The following USP34 variants were observed in gnomAD, a reference collection of about 807,000 sequenced individuals.
The protein encoded by USP34 is ubiquitin carboxyl-terminal hydrolase 34.
USP34 carries 70 observed loss-of-function variants against 460.3 expected under a neutral mutation model. The ratio of observed to expected loss-of-function variants is 0.15; its 90% CI spans 0.13 to 0.19. USP34 has a LOEUF of 0.19. Among genes scored for constraint, USP34 ranks in the 10% least tolerant of loss-of-function variants. The probability of loss-of-function intolerance (pLI) is 1.00; values close to 1 mark genes in which losing one functional copy is unlikely to be tolerated. For missense variants in USP34, 3,985 were observed against 4,236.2 expected (o/e 0.94, Z 1.65); for synonymous variants, 1,647 against 1,405.3 (o/e 1.17, Z -3.85).
intron 10 of USP34, among the ~76,000 whole-genome samples, chr2:61,364,576 T>C (rs1692372640): frequency 1.3e-5 from 2 of 152,192 alleles, no homozygotes; most frequent in African/African-American, 4.8e-5. Context: ...ATGTTATACA[T>C]ATTTTACGAC....
Position 61,187,906 on chromosome 2 carries a change from T to C in USP34, c.*196A>G. 1 of 1,413,662 alleles carries C rather than the reference T, an allele frequency of 7.1e-7. No homozygotes were observed. The highest frequency in any genetic ancestry group is 1.4e-5 in the African/African-American group (1 of 69,236). 87.6% of individuals were successfully genotyped at this position (1,413,662 alleles called of 1,614,324 possible). On this transcript the variant is annotated 3_prime_UTR_variant, in exon 80 of 80. Transcript: ENST00000398571. The stretch of plus-strand genomic sequence containing the variant: ...ACATATCCATTATCTGATTGCCCTT[T>C]AGGAAGTATACTGAAGATGCAAGTT...
chr2:61,310,079 G>A (rs2694617), intron 27 of USP34, among the ~76,000 whole-genome samples: 55,293 of 152,022 alleles, frequency 0.36, 10,050 homozygotes, highest in African/African-American at 0.38. Context: ...TTAAGGAGAA[G>A]TGGAAATGAT....
intron 27 of USP34, among the ~76,000 whole-genome samples, chr2:61,305,135 C>T (rs929308414): frequency 3.9e-5 from 6 of 152,028 alleles, no homozygotes; most frequent in South Asian, 2.1e-4. Context: ...ACCAGCCTGG[C>T]CAATATGATG....
chr2:61,334,956 T>C (rs1201146015), intron 18 of USP34, among the ~76,000 whole-genome samples: 1 of 152,176 alleles, frequency 6.6e-6, no homozygotes, highest in African/African-American at 2.4e-5. Flanking sequence ...TTTTCTCCCA[T>C]TTAAAAGAAT....
intron 58 of USP34, among the ~76,000 whole-genome samples, chr2:61,230,265 C>T (rs1572853659): frequency 6.6e-6 from 1 of 152,044 alleles, no homozygotes; most frequent in Non-Finnish European, 1.5e-5. Context: ...TGCAGTGGCT[C>T]AAGCCTATAA....
At chr2:61,358,866 A>C (rs1584300) in intron 10 of USP34, among the ~76,000 whole-genome samples, 22,274 of 152,258 alleles carry the variant, frequency 0.15, 2,152 homozygotes, top group South Asian at 0.35. Flanking sequence ...CACAATTTTC[A>C]AAAGCATGTA....
intron 10 of USP34, among the ~76,000 whole-genome samples, chr2:61,353,399 T>G (rs1692009112): frequency 1.3e-5 from 2 of 151,272 alleles, no homozygotes; most frequent in South Asian, 2.1e-4. Flanking sequence ...CGAATGTTTT[T>G]TTTTTTTTTT....
At chr2:61,420,069 ACATT>A (rs1272590309) in intron 2 of USP34, among the ~76,000 whole-genome samples, 2 of 152,236 alleles carry the variant, frequency 1.3e-5, no homozygotes, top group Non-Finnish European at 2.9e-5. Context: ...ATACCTCAGA[ACATT>A]CATTTATGTA....
intron 7 of USP34, among the ~76,000 whole-genome samples, chr2:61,379,737 T>C (rs1440338697): frequency 6.6e-6 from 1 of 152,244 alleles, no homozygotes; most frequent in Admixed American, 6.5e-5. Context: ...TCATGTTACT[T>C]TGTCCTATTT....
chr2:61,320,292 A>G (rs1690876820), intron 21 of USP34, among the ~76,000 whole-genome samples: 1 of 152,178 alleles, frequency 6.6e-6, no homozygotes, highest in Non-Finnish European at 1.5e-5. Flanking sequence ...GGCAGTAACT[A>G]ACCTTGACCA....
rs780995035 is a variant in USP34 at position 61,347,959 on chromosome 2, C to G, written c.2196G>C (p.Glu732Asp). 20 of 1,613,934 alleles carry G rather than the reference C, an allele frequency of 1.2e-5. No homozygotes were observed. The highest frequency in any genetic ancestry group is 1.7e-5 in the Admixed American group (1 of 59,988). ...AATTAAATAATTCATTCCCAATAGT[C>G]TCCCCAAGGAAGTCCCCAGTTCGTG... ...CITRTGDFLG[E>D]TIGNELFNCR... is the part of the protein sequence containing the mutation. The change falls in exon 15 of 80, where the codon GAG becomes GAC. Residue 732 changes from glutamate to aspartate, a missense_variant. Physicochemically the swap from Glu to Asp is conservative, Grantham distance 45. Around this residue, in one of 14 missense-constraint regions of USP34, gnomAD observed 716 missense variants for 626.2 expected, o/e 1.14. Coordinates refer to ENST00000398571, the MANE Select transcript of USP34 (RefSeq NM_014709.4).
intron 27 of USP34, among the ~76,000 whole-genome samples, chr2:61,304,089 G>T (rs1273118473): frequency 6.6e-6 from 1 of 152,012 alleles, no homozygotes; most frequent in African/African-American, 2.4e-5. Context: ...GTAGAGACAG[G>T]GTTTCGTCAT....
rs1686502208 is a variant in USP34, at chr2:61,188,235, C to A, written c.10508G>T (p.Ser3503Ile). Residue 3503 changes from serine to isoleucine, a missense_variant, in exon 80 of 80, where the codon AGT (serine) becomes ATT (isoleucine). By Grantham distance (142) the Ser-to-Ile change is moderately radical. Transcript: ENST00000398571. ...AAAGAGTCCTCTGGAATGGCCACAA[C>A]TGAGAGATAAAGCAACCTCAGGGTC... is the stretch of plus-strand genomic sequence containing the variant. ...SQDPEVALSL[S>I]CGHSRGLFSH... 1 of 1,614,026 alleles carries A rather than the reference C, an allele frequency of 6.2e-7. No individual in the cohort carries two copies. The highest frequency in any genetic ancestry group is 1.3e-5 in the African/African-American group (1 of 74,898).
At chr2:61,399,874 C>CAAAAAAAAAAAAAAAAAAAAAAA (rs529141667) in intron 3 of USP34, among the ~76,000 whole-genome samples, 5 of 69,980 alleles carry the variant, frequency 7.1e-5, no homozygotes, top group Non-Finnish European at 1.3e-4. Flanking sequence ...CACTGTCTCC[C>CAAAAAAAAAAAAAAAAAAAAAAA]AAAAAAAAAA....
In USP34 at chr2:61,265,575, A is replaced by T; in HGVS notation, c.5618-18T>A. 1 of 1,579,114 alleles carries T rather than the reference A, an allele frequency of 6.3e-7. No individual in the cohort carries two copies. Among genetic ancestry groups the T allele is most frequent in the Non-Finnish European group, 8.6e-7 (1 of 1,160,030 alleles). On this transcript the variant is annotated intron_variant, in intron 42 of 79. Coordinates refer to ENST00000398571, the MANE Select transcript of USP34 (RefSeq NM_014709.4). ...TGCATGGGCTGCTGAAGAAAGAGGG[A>T]GGAAAAGATCCCCCCCAAACAAACT...
rs1024253718 is a variant in USP34, at chr2:61,301,089, G to A, written c.3990C>T (p.Cys1330=). Residue 1330 remains cysteine (C), a synonymous_variant, in exon 29 of 80, where the codon TGC becomes TGT. Transcript: ENST00000398571. The part of the protein sequence containing the change: ...KGEGVQLPAS[C]LPPPQKDNIP... ...TGTTGTCCTTCTGAGGGGGTGGGAG[G>A]CAAGATGCTGGCAGCTGAACACCTT... 1 of 1,614,002 alleles carries A rather than the reference G, an allele frequency of 6.2e-7. No homozygotes were observed. Among genetic ancestry groups the A allele is most frequent in the East Asian group, 2.2e-5 (1 of 44,872 alleles).
At chr2:61,297,306 T>C (rs902842691) in intron 29 of USP34, among the ~76,000 whole-genome samples, 11 of 152,240 alleles carry the variant, frequency 7.2e-5, no homozygotes, top group Admixed American at 1.3e-4. Context: ...GTGAATTAAA[T>C]CCTTGAACTT....
intron 71 of USP34, 100 bp from the exon 72 acceptor site, chr2:61,206,224 G>T: frequency 1.0e-6 from 1 of 975,566 alleles, no homozygotes; most frequent in Non-Finnish European, 1.6e-6. Flanking sequence ...TAGAAATTCA[G>T]GTTAATTACA....
rs764384861 is a variant in USP34, at chr2:61,228,942, G to A, written c.7253C>T (p.Thr2418Ile). Reference protein sequence around the residue: ...VEDIGGRSCVTRFVRTLLLIM... With the variant: ...VEDIGGRSCVIRFVRTLLLIM... Reference sequence around the variant, plus strand: ...TAATAACAGGGTTCTCACAAAGCGAGTGACACATGAACGACCACCAATATC... The same window carrying A: ...TAATAACAGGGTTCTCACAAAGCGAATGACACATGAACGACCACCAATATC... Residue 2418 changes from threonine (T) to isoleucine (I), a missense_variant, in exon 60 of 80, where the codon ACT (threonine) becomes ATT (isoleucine). By Grantham distance (89) the Thr-to-Ile change is moderately conservative (BLOSUM62 -1). This residue lies in a region of USP34 where 604 missense variants were observed against 684.8 expected (regional missense o/e 0.88). Coordinates refer to ENST00000398571, the MANE Select transcript of USP34 (RefSeq NM_014709.4). 6.2e-7 allele frequency: 1 copy of A among 1,609,504 alleles called. No homozygotes were observed. Among genetic ancestry groups the A allele is most frequent in the Non-Finnish European group, 8.5e-7 (1 of 1,177,872 alleles).
Sources: gnomAD v4.1 joint callset for allele counts (sites outside exome capture counted in the v4.1 genomes callset) on GRCh38, gnomAD v4.1.1 for gene constraint, gnomAD v4.1.1 regional missense constraint, MANE v1.5 for transcripts, NCBI Gene and HGNC (gene_info 2026-07-23, HGNC 2026-07-21) for gene names.